The following SCYL2 variants were observed in gnomAD, a reference collection of about 807,000 sequenced individuals.
SCYL2 encodes the protein SCY1-like protein 2.
In SCYL2, 36 loss-of-function variants were observed where a neutral mutation model predicts 100.4. The ratio of observed to expected loss-of-function variants is 0.36; its 90% confidence interval spans 0.27 to 0.47. SCYL2 has a LOEUF of 0.47. Ranked by LOEUF, SCYL2 falls within the 20% of genes least tolerant of loss-of-function variation. The pLI is 1.00. For synonymous variants in SCYL2, 330 were observed against 359.2 expected, an observed-to-expected ratio of 0.92 and a Z score of 0.92; for missense variants, 902 against 1,083.9, an observed-to-expected ratio of 0.83 and a Z score of 2.36.
chr12:100,291,677 A>G lies in SCYL2; in HGVS notation c.335+17A>G. ...AGAATCCAGGTAAATTTTTACAAAAACTTACATAGTAGACTTCCTGAACAA... is the reference window on the plus strand; with the variant it reads ...AGAATCCAGGTAAATTTTTACAAAAGCTTACATAGTAGACTTCCTGAACAA... On this transcript the variant is annotated intron_variant, in intron 3 of 17. Transcript: ENST00000360820. The G allele has an allele frequency of 1.3e-6, 2 of 1,561,444 alleles. No homozygotes were observed. The highest frequency in any genetic ancestry group is 1.7e-6 in the Non-Finnish European group (2 of 1,162,380).
chr12:100,282,954 T>C lies in SCYL2; in HGVS notation c.-17T>C. 6.4e-7 allele frequency: 1 copy of C among 1,551,700 alleles called. No individual in the cohort carries two copies. The highest frequency in any genetic ancestry group is 8.8e-7 in the Non-Finnish European group (1 of 1,141,348). ...TTCTGTTTTTCTAGGTAACTATAAC[T>C]ACCCAATATTGCAGCCATGGAGTCC... On this transcript the variant is annotated 5_prime_UTR_variant, in exon 2 of 18. Transcript: ENST00000360820.
chr12:100,331,712 C>T (rs1473764482), intron 13 of SCYL2, among the ~76,000 whole-genome samples: 1 of 152,048 alleles, frequency 6.6e-6, no homozygotes, highest in Admixed American at 6.5e-5. Context: ...TTCATATCTT[C>T]TTGTATTTTA....
intron 14 of SCYL2, among the ~76,000 whole-genome samples, chr12:100,334,488 A>T (rs1020272284): frequency 6.6e-6 from 1 of 152,114 alleles, no homozygotes; most frequent in Admixed American, 6.5e-5. Context: ...GTAATATGGT[A>T]TAATTTTAGC....
chr12:100,282,138 C>T (rs1244579124), intron 1 of SCYL2, among the ~76,000 whole-genome samples: 2 of 151,812 alleles, frequency 1.3e-5, no homozygotes, highest in Admixed American at 6.6e-5. Context: ...AATTCTTGTA[C>T]CTTAGTCTCC....
In SCYL2 at chr12:100,276,573, A is replaced by G. The variant is rs146577430; in HGVS notation, c.-28-6370A>G. 2.4e-3 allele frequency among the ~76,000 whole-genome samples: 361 copies of G among 152,246 alleles called. 1 individual carries two copies. Among genetic ancestry groups the G allele is most frequent in the African/African-American group, 8.0e-3 (332 of 41,542 alleles). Reference sequence around the variant, plus strand: ...GGCTGGTCTTGAACTCCTGGGCTCAAGTGATCCTCCTGCTTTAGTGTCCCA... The same window carrying G: ...GGCTGGTCTTGAACTCCTGGGCTCAGGTGATCCTCCTGCTTTAGTGTCCCA... On this transcript the variant is annotated intron_variant, in intron 1 of 17. Coordinates refer to ENST00000360820, the MANE Select transcript of SCYL2 (RefSeq NM_017988.6).
intron 11 of SCYL2, among the ~76,000 whole-genome samples, chr12:100,325,819 G>T (rs557121202): frequency 6.6e-6 from 1 of 151,904 alleles, no homozygotes; most frequent in Admixed American, 6.6e-5. Flanking sequence ...CAAGTTAAGC[G>T]TTCAGATACC....
intron 1 of SCYL2, among the ~76,000 whole-genome samples, chr12:100,277,355 T>C (rs957937679): frequency 6.6e-6 from 1 of 152,242 alleles, no homozygotes; most frequent in Non-Finnish European, 1.5e-5. Context: ...GTGAGAACTC[T>C]TGAAGTCTCC....
intron 2 of SCYL2, among the ~76,000 whole-genome samples, chr12:100,286,058 T>C (rs2096304153): frequency 6.6e-6 from 1 of 152,174 alleles, no homozygotes; most frequent in Non-Finnish European, 1.5e-5. Flanking sequence ...ATTATGACTA[T>C]CAAGGCTGCT....
intron 1 of SCYL2, among the ~76,000 whole-genome samples, chr12:100,270,451 A>G (rs1195339051): frequency 6.6e-6 from 1 of 152,166 alleles, no homozygotes; most frequent in Non-Finnish European, 1.5e-5. Flanking sequence ...AAAAATTACA[A>G]TAATTTCAAG....
intron 13 of SCYL2, among the ~76,000 whole-genome samples, chr12:100,331,660 TG>T (rs1952210917): frequency 2.0e-5 from 3 of 151,998 alleles, no homozygotes; most frequent in Non-Finnish European, 4.4e-5. Context: ...GGGTTTTTTT[TG>T]GGGTGGGGGG....
chr12:100,295,409 T>C (rs1209327687), intron 3 of SCYL2, among the ~76,000 whole-genome samples: 1 of 152,052 alleles, frequency 6.6e-6, no homozygotes, highest in Non-Finnish European at 1.5e-5. Flanking sequence ...CGGGGCACCA[T>C]TGAGCACTGA....
chr12:100,305,456 T>A (rs1051722657), intron 4 of SCYL2, among the ~76,000 whole-genome samples: 8 of 152,156 alleles, frequency 5.3e-5, no homozygotes, highest in African/African-American at 1.7e-4. Flanking sequence ...TTGAAACTAA[T>A]GAGAACAAAG....
At chr12:100,278,349 GAC>G (rs2096294665) in intron 1 of SCYL2, among the ~76,000 whole-genome samples, 1 of 151,596 alleles carries the variant, frequency 6.6e-6, no homozygotes, top group African/African-American at 2.4e-5. Flanking sequence ...ACAGTCAGAT[GAC>G]ACCATACCTG....
intron 4 of SCYL2, among the ~76,000 whole-genome samples, chr12:100,306,715 T>C (rs2096334843): frequency 6.6e-6 from 1 of 152,346 alleles, no homozygotes; most frequent in East Asian, 1.9e-4. Flanking sequence ...TTGTCTCTGT[T>C]TGCAGATGAC....
chr12:100,271,260 CAAAAA>C (rs11354103), intron 1 of SCYL2, among the ~76,000 whole-genome samples: 1 of 83,336 alleles, frequency 1.2e-5, no homozygotes, highest in Admixed American at 1.3e-4. Context: ...TGCAGAGCAG[CAAAAA>C]AAAAAAAAAA....
chr12:100,291,257 A>G (rs573191354), intron 2 of SCYL2, among the ~76,000 whole-genome samples: 3 of 152,324 alleles, frequency 2.0e-5, no homozygotes, highest in Non-Finnish European at 2.9e-5. Context: ...CACAATTAAT[A>G]TGTACCTGTG....
chr12:100,306,207 A>C (rs1271037511), intron 4 of SCYL2, among the ~76,000 whole-genome samples: 1 of 152,164 alleles, frequency 6.6e-6, no homozygotes, highest in Non-Finnish European at 1.5e-5. Context: ...CAAAAGAAGA[A>C]AATTTCAGGC....
In SCYL2 at chr12:100,329,207, A is replaced by G. The variant is rs1010490951; in HGVS notation, c.1649A>G (p.Tyr550Cys). 1 of 1,537,852 alleles carries G rather than the reference A, an allele frequency of 6.5e-7. No homozygotes were observed. The highest frequency in any genetic ancestry group is 9.0e-7 in the Non-Finnish European group (1 of 1,111,216). Residue 550 changes from tyrosine (Y) to cysteine (C), a missense_variant, in exon 13 of 18, where the codon TAC becomes TGC. Physicochemically the swap from Tyr to Cys is radical, Grantham distance 194. Transcript: ENST00000360820. ...PAVLMGILGI[Y>C]KCTFTHKKLG... Reference sequence around the variant, plus strand: ...TCACATTCTTTTCTATCAGGTATTTACAAATGTACTTTTACTCATAAGAAG... The same window carrying G: ...TCACATTCTTTTCTATCAGGTATTTGCAAATGTACTTTTACTCATAAGAAG...
At chr12:100,325,653 G>A (rs999879929) in intron 11 of SCYL2, among the ~76,000 whole-genome samples, 1 of 151,932 alleles carries the variant, frequency 6.6e-6, no homozygotes, top group Non-Finnish European at 1.5e-5. Flanking sequence ...ACAGAGTTAG[G>A]TAAAATCCTC....
Sources: gnomAD v4.1 joint callset for allele counts (sites outside exome capture counted in the v4.1 genomes callset) on GRCh38, gnomAD v4.1.1 for gene constraint, MANE v1.5 for transcripts, NCBI Gene and HGNC (gene_info 2026-07-23, HGNC 2026-07-21) for gene names.